The following SUPT3H variants were observed in gnomAD, a reference collection of about 807,000 sequenced individuals.
SUPT3H encodes SPT3 homolog, SAGA and STAGA complex component.
In SUPT3H, 44 loss-of-function variants were observed where a neutral mutation model predicts 44.3. The ratio of observed to expected loss-of-function variants is 0.99; its 90% CI spans 0.78 to 1.28. The LOEUF is 1.28. Among genes scored for constraint, SUPT3H ranks in the 50% most tolerant of loss-of-function variants. SUPT3H has a pLI of 0.00. For synonymous variants in SUPT3H, 124 were observed against 125.6 expected, an observed-to-expected ratio of 0.99 and a Z score of 0.09; for missense variants, 380 against 387.1, an observed-to-expected ratio of 0.98 and a Z score of 0.15.
At chr6:45,117,217 TATCCTTGAAACAACAG>T (rs1334543139) in intron 2 of SUPT3H, among the ~76,000 whole-genome samples, 2 of 152,116 alleles carry the variant, frequency 1.3e-5, no homozygotes, top group Admixed American at 6.5e-5. Flanking sequence ...AGCAAAGAGA[TATCCTTGAAACAACAG>T]ATCCAATAAT....
chr6:44,863,836 G>C (rs1775055368), intron 10 of SUPT3H, among the ~76,000 whole-genome samples: 1 of 152,138 alleles, frequency 6.6e-6, no homozygotes, highest in African/African-American at 2.4e-5. Flanking sequence ...CAGCAGGCAA[G>C]AGAGAGAATA....
intron 10 of SUPT3H, among the ~76,000 whole-genome samples, chr6:44,904,419 A>G (rs1765637699): frequency 6.6e-6 from 1 of 152,190 alleles, no homozygotes; most frequent in Admixed American, 6.5e-5. Context: ...CCCATTCACA[A>G]TTGCTTCAAA....
intron 2 of SUPT3H, among the ~76,000 whole-genome samples, chr6:45,282,029 T>C (rs1778206371): frequency 6.6e-6 from 1 of 152,186 alleles, no homozygotes; most frequent in Admixed American, 6.5e-5. Flanking sequence ...CTGAGGGTCC[T>C]GACTGTTAGA....
At chr6:45,103,028 T>A (rs1269906588) in intron 3 of SUPT3H, among the ~76,000 whole-genome samples, 2 of 151,926 alleles carry the variant, frequency 1.3e-5, no homozygotes, top group Non-Finnish European at 2.9e-5. Flanking sequence ...ACAAAGAGAT[T>A]TAAATGAAGA....
Position 44,828,183 on chromosome 6 carries a change from AAAGTT to A in SUPT3H, c.*1628_*1632del, listed in dbSNP as rs72456916. Among the ~76,000 whole-genome samples the A allele has an allele frequency of 0.41, 62,792 of 151,396 alleles. 13,273 individuals carry two copies. Among genetic ancestry groups the A allele is most frequent in the East Asian group, 0.68 (3,498 of 5,120 alleles). The stretch of plus-strand genomic sequence containing the variant: ...CAAATACAATAAATGCTATCGTTTA[AAAGTT>A]AAGTTAAGTTAGGATGTTTACTGCA... On this transcript the variant is annotated 3_prime_UTR_variant, in exon 11 of 11. Transcript: ENST00000371459.
chr6:44,889,671 C>A (rs2153440505), intron 10 of SUPT3H, among the ~76,000 whole-genome samples: 1 of 152,218 alleles, frequency 6.6e-6, no homozygotes, highest in Admixed American at 6.5e-5. Flanking sequence ...AGAAGAAAAC[C>A]TAGGCATTAC....
At chr6:45,216,637 T>C (rs1562713185) in intron 2 of SUPT3H, among the ~76,000 whole-genome samples, 1 of 152,180 alleles carries the variant, frequency 6.6e-6, no homozygotes. Flanking sequence ...AAATTCAAAA[T>C]GAGCAGCAGT....
chr6:45,116,671 G>T (rs928229895), intron 2 of SUPT3H, among the ~76,000 whole-genome samples: 1 of 152,076 alleles, frequency 6.6e-6, no homozygotes, highest in Non-Finnish European at 1.5e-5. Context: ...TACTTTAAAG[G>T]TCTGGTTTTG....
At chr6:44,959,749 G>T (rs1223044341) in intron 7 of SUPT3H, among the ~76,000 whole-genome samples, 1 of 152,096 alleles carries the variant, frequency 6.6e-6, no homozygotes, top group Non-Finnish European at 1.5e-5. Flanking sequence ...TAAAGTTACA[G>T]ACTCATTATT....
intron 6 of SUPT3H, among the ~76,000 whole-genome samples, chr6:44,998,957 G>A (rs1457746968): frequency 1.3e-5 from 2 of 151,824 alleles, no homozygotes; most frequent in African/African-American, 4.8e-5. Flanking sequence ...TTTTCTCGTT[G>A]TTACTATCTA....
chr6:45,012,168 CTTG>C (rs1396514795), intron 5 of SUPT3H, among the ~76,000 whole-genome samples: 1 of 145,536 alleles, frequency 6.9e-6, no homozygotes, highest in African/African-American at 2.5e-5. Flanking sequence ...CTAATTGGAG[CTTG>C]TTGATATGCT....
chr6:45,259,719 A>G (rs1475878172), intron 2 of SUPT3H, among the ~76,000 whole-genome samples: 1 of 151,904 alleles, frequency 6.6e-6, no homozygotes, highest in Non-Finnish European at 1.5e-5. Flanking sequence ...CCATGTAAAA[A>G]CTAGTAACTC....
chr6:45,218,371 GA>G (rs368685058), intron 2 of SUPT3H, among the ~76,000 whole-genome samples: 6 of 151,926 alleles, frequency 3.9e-5, no homozygotes, highest in East Asian at 1.9e-4. Flanking sequence ...GATAGAGCTG[GA>G]AAAAAAATTG....
chr6:45,222,132 T>G (rs550137373), intron 2 of SUPT3H, among the ~76,000 whole-genome samples: 1 of 152,106 alleles, frequency 6.6e-6, no homozygotes, highest in South Asian at 2.1e-4. Flanking sequence ...CTAAAAAATG[T>G]ATCACAGGTC....
intron 2 of SUPT3H, among the ~76,000 whole-genome samples, chr6:45,315,182 T>C (rs1216122517): frequency 6.6e-6 from 1 of 151,922 alleles, no homozygotes; most frequent in Admixed American, 6.6e-5. Context: ...AACTAAAAAT[T>C]CTAGAAGTTA....
At chr6:45,363,592 A>T (rs1246168697) in intron 2 of SUPT3H, among the ~76,000 whole-genome samples, 1 of 152,122 alleles carries the variant, frequency 6.6e-6, no homozygotes, top group African/African-American at 2.4e-5. Context: ...ACCTTTTAAA[A>T]CATGCTTAGT....
rs543530635 is a variant in SUPT3H, at chr6:45,193,743, T to A, written c.102-87737A>T. Among the ~76,000 whole-genome samples the A allele has an allele frequency of 5.9e-5, 9 of 152,032 alleles. No individual in the cohort carries two copies. The East Asian group carries it at 1.7e-3, about 29-fold the overall frequency. The stretch of plus-strand genomic sequence containing the variant: ...AATAATAAAAATAAAAATAATGTAT[T>A]CTTGTTAGCTTTCTTAGAAAAGTTC... On this transcript the variant is annotated intron_variant, in intron 2 of 10. Coordinates refer to ENST00000371459, the MANE Select transcript of SUPT3H (RefSeq NM_003599.4).
chr6:44,828,674 G>A lies in SUPT3H; in HGVS notation c.*1142C>T, dbSNP rs1768074446. On this transcript the variant is annotated 3_prime_UTR_variant, in exon 11 of 11. Coordinates refer to ENST00000371459, the MANE Select transcript of SUPT3H (RefSeq NM_003599.4). ...CCTTAAATCTAGGAAGCAGTATCAA[G>A]AGAGGCTTGCTCTCTTGAGCAGTAT... 6.6e-6 allele frequency: 1 copy of A among 152,160 alleles called. No homozygotes were observed. 9.4% of individuals were successfully genotyped at this position (152,160 alleles called of 1,614,324 possible).
chr6:45,186,042 G>A (rs1042175423), intron 2 of SUPT3H, among the ~76,000 whole-genome samples: 3 of 152,190 alleles, frequency 2.0e-5, no homozygotes, highest in Non-Finnish European at 2.9e-5. Context: ...AGGCAAACAG[G>A]AAGGGAGGTA....
Sources: gnomAD v4.1 joint callset for allele counts (sites outside exome capture counted in the v4.1 genomes callset) on GRCh38, gnomAD v4.1.1 for gene constraint, MANE v1.5 for transcripts, NCBI Gene and HGNC (gene_info 2026-07-23, HGNC 2026-07-21) for gene names.